The following CCDC146 variants were observed in gnomAD, a reference collection of about 807,000 sequenced individuals.
The protein encoded by CCDC146 is coiled-coil domain-containing protein 146.
In CCDC146, 92 loss-of-function variants were observed where a neutral mutation model predicts 119.3. The observed-to-expected ratio is 0.77, with a 90% CI of 0.65 to 0.92. The LOEUF (loss-of-function observed/expected upper bound fraction) is 0.92. CCDC146 is among the 40% of genes least tolerant of loss of function. The pLI, the probability that CCDC146 is intolerant of heterozygous loss-of-function variation, is 0.00. For synonymous variants in CCDC146, 372 were observed against 371.8 expected (o/e 1.00, Z -0.01); for missense variants, 1,000 against 1,103.0 (o/e 0.91, Z 1.32).
intron 9 of CCDC146, among the ~76,000 whole-genome samples, chr7:77,272,446 A>G (rs1793543072): frequency 6.6e-6 from 1 of 152,224 alleles, no homozygotes; most frequent in Non-Finnish European, 1.5e-5. Context: ...ATGATCCTCA[A>G]AAAGATCCTG....
intron 2 of CCDC146, among the ~76,000 whole-genome samples, chr7:77,184,688 G>C (rs1230641903): frequency 6.6e-6 from 1 of 152,156 alleles, no homozygotes; most frequent in Non-Finnish European, 1.5e-5. Flanking sequence ...GTAAAATAGT[G>C]TTTGGAGAGC....
rs267601573 is a variant in CCDC146 at position 77,282,680 on chromosome 7, C to T, written c.2043C>T (p.Phe681=). ...ATCTACTGGAAGAAAAGATCCAATT[C>T]CTGAAAATGAAGATTGCTGAGAAGC... ...EIHLLEEKIQ[F]LKMKIAEKQR... is the part of the protein sequence containing the mutation. Residue 681 remains phenylalanine (F), a synonymous_variant, in exon 15 of 19, where the codon TTC becomes TTT. Coordinates refer to ENST00000285871, the MANE Select transcript of CCDC146 (RefSeq NM_020879.3). The T allele has an allele frequency of 7.1e-5, 114 of 1,613,720 alleles. No homozygotes were observed. Among genetic ancestry groups the T allele is most frequent in the Admixed American group, 1.2e-4 (7 of 59,992 alleles).
rs1291525731 is a variant in CCDC146 at position 77,273,765 on chromosome 7, A to T, written c.1245A>T (p.Val415=). Residue 415 remains valine (V), a synonymous_variant, in exon 10 of 19, where the codon GTA becomes GTT. Transcript: ENST00000285871. ...RRRELHKEVE[V]AKRNLAQQKI... ...GAGAGCTTCACAAGGAAGTTGAAGT[A>T]GCTAAGAGGAATTTGGCCCAACAGG... 6.2e-7 allele frequency: 1 copy of T among 1,611,064 alleles called. No homozygotes were observed. The highest frequency in any genetic ancestry group is 2.2e-5 in the East Asian group (1 of 44,790).
At chr7:77,256,652 A>C (rs1368254646) in intron 6 of CCDC146, 143 bp downstream of exon 6, 2 of 657,626 alleles carry the variant, frequency 3.0e-6, no homozygotes, top group Admixed American at 6.9e-5. Context: ...GATCCTATCA[A>C]ACTAAATCTA....
chr7:77,155,611 T>C (rs1439075024), intron 1 of CCDC146, among the ~76,000 whole-genome samples: 1 of 152,210 alleles, frequency 6.6e-6, no homozygotes, highest in Non-Finnish European at 1.5e-5. Flanking sequence ...TCATTTATAC[T>C]CTCTGATTGT....
At chr7:77,289,990 C>T (rs1006903128) in intron 17 of CCDC146, among the ~76,000 whole-genome samples, 4 of 152,164 alleles carry the variant, frequency 2.6e-5, no homozygotes, top group Non-Finnish European at 2.9e-5. Context: ...TTGGAACCAA[C>T]CCAAATGTCC....
chr7:77,129,746 C>T (rs1166571866), intron 1 of CCDC146, among the ~76,000 whole-genome samples: 1 of 152,068 alleles, frequency 6.6e-6, no homozygotes, highest in Non-Finnish European at 1.5e-5. Flanking sequence ...TTAGGAATTT[C>T]AATTTGGTTT....
chr7:77,158,171 A>G (rs1791204600), intron 1 of CCDC146, among the ~76,000 whole-genome samples: 1 of 152,088 alleles, frequency 6.6e-6, no homozygotes, highest in African/African-American at 2.4e-5. Flanking sequence ...AGCTTATGTG[A>G]CAGAGAACTA....
intron 15 of CCDC146, among the ~76,000 whole-genome samples, chr7:77,284,738 C>T (rs879514496): frequency 6.6e-6 from 1 of 151,768 alleles, no homozygotes; most frequent in Non-Finnish European, 1.5e-5. Flanking sequence ...TAACACTACA[C>T]TCCCTGCCTG....
chr7:77,262,073 A>T (rs1793310132), intron 8 of CCDC146, 48 bp from the exon 9 acceptor site: 1 of 1,430,916 alleles, frequency 7.0e-7, no homozygotes, highest in Admixed American at 2.1e-5. Context: ...AACATTTAGG[A>T]CAGCTGATAA....
intron 9 of CCDC146, among the ~76,000 whole-genome samples, chr7:77,268,159 A>G (rs1793443523): frequency 6.6e-6 from 1 of 152,238 alleles, no homozygotes; most frequent in African/African-American, 2.4e-5. Flanking sequence ...AATTTTACCT[A>G]GAAAAAGAAA....
chr7:77,182,550 T>C (rs1288448446), intron 2 of CCDC146, among the ~76,000 whole-genome samples: 1 of 152,098 alleles, frequency 6.6e-6, no homozygotes, highest in Non-Finnish European at 1.5e-5. Flanking sequence ...GGCAGGTAGA[T>C]GGCTTGAGCT....
intron 14 of CCDC146, 96 bp from the exon 15 acceptor site, chr7:77,282,461 T>C (rs886657439): frequency 1.4e-6 from 1 of 726,900 alleles, no homozygotes; most frequent in African/African-American, 1.8e-5. Flanking sequence ...TGCTATGTTG[T>C]GTATATCTTG....
intron 1 of CCDC146, among the ~76,000 whole-genome samples, chr7:77,148,776 T>C (rs1016932002): frequency 6.6e-6 from 1 of 152,092 alleles, no homozygotes; most frequent in Non-Finnish European, 1.5e-5. Flanking sequence ...TTACAAGGGA[T>C]GTGAAGAACC....
intron 1 of CCDC146, among the ~76,000 whole-genome samples, chr7:77,149,383 C>T (rs1272280458): frequency 1.3e-5 from 2 of 152,094 alleles, no homozygotes; most frequent in African/African-American, 4.8e-5. Flanking sequence ...AAGCTGCTAG[C>T]TTCTCAATTT....
At chr7:77,267,237 C>T (rs1157391906) in intron 9 of CCDC146, among the ~76,000 whole-genome samples, 1 of 152,148 alleles carries the variant, frequency 6.6e-6, no homozygotes, top group Non-Finnish European at 1.5e-5. Flanking sequence ...AGGTGATCCA[C>T]CTGCCTCGGC....
intron 1 of CCDC146, among the ~76,000 whole-genome samples, chr7:77,162,615 A>G (rs1457617485): frequency 6.6e-6 from 1 of 151,936 alleles, no homozygotes. Context: ...GGGTTTGGCT[A>G]TTTGGGGTCT....
chr7:77,149,934 G>C (rs1200420041), intron 1 of CCDC146, among the ~76,000 whole-genome samples: 2 of 151,920 alleles, frequency 1.3e-5, no homozygotes, highest in Non-Finnish European at 2.9e-5. Flanking sequence ...TTTTAAAGGT[G>C]TCTTGAGAAT....
intron 2 of CCDC146, among the ~76,000 whole-genome samples, chr7:77,171,669 C>A (rs1791424046): frequency 6.6e-6 from 1 of 152,234 alleles, no homozygotes; most frequent in South Asian, 2.1e-4. Flanking sequence ...AACCTGACGG[C>A]CTGCCCATCA....
Sources: allele counts gnomAD v4.1 joint callset (sites outside exome capture counted in the v4.1 genomes callset), GRCh38; gene constraint gnomAD v4.1.1; transcripts MANE v1.5; gene names NCBI Gene and HGNC (gene_info 2026-07-23, HGNC 2026-07-21).